The following STON2 variants were observed in gnomAD, a reference collection of about 807,000 sequenced individuals.
STON2 encodes the protein stonin 2, also known as stonin-2.
Under a neutral mutation model 65.7 loss-of-function variants are expected in STON2, and 29 were observed. The ratio of observed to expected loss-of-function variants is 0.44; its 90% CI spans 0.33 to 0.60. The LOEUF is 0.60. Ranked by LOEUF, STON2 falls within the 20% of genes least tolerant of loss-of-function variation. The pLI is 0.03. For missense variants in STON2, 1,054 were observed against 1,118.1 expected (o/e 0.94, Z 0.82); for synonymous variants, 404 against 414.2 (o/e 0.98, Z 0.30).
chr14:81,336,991 T>C (rs1477996018), intron 4 of STON2, among the ~76,000 whole-genome samples: 1 of 152,134 alleles, frequency 6.6e-6, no homozygotes, highest in Non-Finnish European at 1.5e-5. Flanking sequence ...TTTCCCAAGG[T>C]TCTTAGTCTT....
chr14:81,328,964 A>T (rs572455971), intron 4 of STON2, among the ~76,000 whole-genome samples: 1 of 152,166 alleles, frequency 6.6e-6, no homozygotes, highest in Non-Finnish European at 1.5e-5. Flanking sequence ...CATGAGCCAA[A>T]TATCTTTTTC....
intron 1 of STON2, chr14:81,436,083 C>T (rs1479741770): frequency 3.3e-5 from 5 of 152,290 alleles, no homozygotes; most frequent in Non-Finnish European, 4.4e-5. Flanking sequence ...TCCACCCCTA[C>T]CTGCCTTAAG....
At chr14:81,352,695 C>T (rs1219095436) in intron 4 of STON2, among the ~76,000 whole-genome samples, 1 of 152,162 alleles carries the variant, frequency 6.6e-6, no homozygotes, top group Non-Finnish European at 1.5e-5. Flanking sequence ...AGGATCATAA[C>T]ACTAAAAGAA....
In STON2 at chr14:81,266,324, T is replaced by C. The variant is rs939705130; in HGVS notation, c.*2090A>G. The stretch of plus-strand genomic sequence containing the variant: ...TTCTTCCTTATATTGAAGCAAACAT[T>C]TGTCACCTGTAAAGTTCCTCTTTGT... On this transcript the variant is annotated 3_prime_UTR_variant, in exon 8 of 8. Transcript: ENST00000614646. Among the ~76,000 whole-genome samples the C allele has an allele frequency of 1.3e-5, 2 of 152,222 alleles. No individual in the cohort carries two copies. The highest frequency in any genetic ancestry group is 2.9e-5 in the Non-Finnish European group (2 of 68,048).
At position 81,395,940 on chromosome 14, in the gene STON2, T is replaced by C. The variant is rs1392820652; in HGVS notation, c.327A>G (p.Thr109=). The C allele has an allele frequency of 4.3e-6, 7 of 1,614,034 alleles. No individual in the cohort carries two copies. In the South Asian group the frequency reaches 6.6e-5, roughly 15 times the overall value. Residue 109 remains threonine (T), a synonymous_variant, in exon 3 of 8, where the codon ACA becomes ACG. Coordinates refer to ENST00000614646, the MANE Select transcript of STON2 (RefSeq NM_001394390.1). ...GAGGTGGAGATGTGCTGGCCCAGGG[T>C]GTGTCATCTTCAAACTGAACCCAGT... ...ISNWVQFEDD[T]PWASTSPPHQ...
At chr14:81,347,902 C>CAAAAAAAAAAAA (rs755109204) in intron 4 of STON2, among the ~76,000 whole-genome samples, 141 of 51,484 alleles carry the variant, frequency 2.7e-3, no homozygotes, top group Non-Finnish European at 3.5e-3. Context: ...TGTCTCTTAC[C>CAAAAAAAAAAAA]AAAAAAAAAA....
intron 4 of STON2, among the ~76,000 whole-genome samples, chr14:81,348,937 T>G (rs1202911130): frequency 1.3e-5 from 2 of 152,052 alleles, no homozygotes; most frequent in African/African-American, 4.8e-5. Flanking sequence ...AATAAATCCA[T>G]ATATTTACAG....
Position 81,263,660 on chromosome 14 carries a change from G to A in STON2, c.*4754C>T, listed in dbSNP as rs908885611. 8.0e-6 allele frequency: 7 copies of A among 878,290 alleles called. No homozygotes were observed. The highest frequency in any genetic ancestry group is 9.6e-6 in the Non-Finnish European group (7 of 732,612). 54.4% of individuals were successfully genotyped at this position (878,290 alleles called of 1,614,324 possible). ...CCAAGACAATTCTTCTTCCTATGTG[G>A]CCCAGGGAAGCCAAAAGATTGGACC... On this transcript the variant is annotated 3_prime_UTR_variant, in exon 8 of 8. Coordinates refer to ENST00000614646, the MANE Select transcript of STON2 (RefSeq NM_001394390.1).
intron 1 of STON2, among the ~76,000 whole-genome samples, chr14:81,434,223 G>C (rs1276957688): frequency 1.3e-5 from 2 of 152,106 alleles, no homozygotes; most frequent in Non-Finnish European, 2.9e-5. Flanking sequence ...CAGAAGCCTG[G>C]CTCAGAAAAA....
chr14:81,296,482 T>C (rs1895765923), intron 5 of STON2, among the ~76,000 whole-genome samples: 1 of 152,156 alleles, frequency 6.6e-6, no homozygotes, highest in African/African-American at 2.4e-5. Context: ...CTAAAAATAG[T>C]AACCTTTGTA....
At chr14:81,431,413 G>A (rs1025639990) in intron 1 of STON2, among the ~76,000 whole-genome samples, 3 of 152,198 alleles carry the variant, frequency 2.0e-5, no homozygotes, top group Non-Finnish European at 4.4e-5. Flanking sequence ...TGAAGCAGGC[G>A]GATCACTTGC....
In STON2 at chr14:81,413,669, G is replaced by A. The variant is rs958493498; in HGVS notation, c.-199+13433C>T. Among the ~76,000 whole-genome samples, 65 of 138,396 alleles carry A rather than the reference G, an allele frequency of 4.7e-4. 14 individuals carry two copies. Among genetic ancestry groups the A allele is most frequent in the African/African-American group, 1.9e-3 (63 of 33,414 alleles). The allele number at this position is 138,396 out of a possible 152,430, so 90.8% of individuals were successfully genotyped here. ...AAATTAGCCTGGCATGGTGGCGTTT[G>A]TCTGTGATCCCAGCTACTGGGGAGG... On this transcript the variant is annotated intron_variant, in intron 2 of 8. Transcript: ENST00000553821.
At position 81,268,045 on chromosome 14, in the gene STON2, G is replaced by A. The variant is rs1258505061; in HGVS notation, c.*369C>T. On this transcript the variant is annotated 3_prime_UTR_variant, in exon 8 of 8. Coordinates refer to ENST00000614646, the MANE Select transcript of STON2 (RefSeq NM_001394390.1). ...GACAGATGAACATCAGAAGGCAATCGTGCTAACACTGATGTGGGAGGTTCT... is the reference window on the plus strand; with the variant it reads ...GACAGATGAACATCAGAAGGCAATCATGCTAACACTGATGTGGGAGGTTCT... The A allele has an allele frequency of 1.7e-5, 17 of 990,424 alleles. No homozygotes were observed. Among genetic ancestry groups the A allele is most frequent in the African/African-American group, 3.5e-5 (2 of 57,274 alleles). 61.4% of individuals were successfully genotyped at this position (990,424 alleles called of 1,614,324 possible). A position where few individuals can be genotyped will look rare whatever the true frequency, so the allele number is the denominator to read the frequency against.
chr14:81,356,810 T>C (rs1311307516), intron 4 of STON2, among the ~76,000 whole-genome samples: 1 of 152,120 alleles, frequency 6.6e-6, no homozygotes, highest in Non-Finnish European at 1.5e-5. Context: ...GTGTTTGTAG[T>C]ATTCTCTGAT....
chr14:81,265,005 T>C lies in STON2; in HGVS notation c.*3409A>G, dbSNP rs746845718. ...TATCTAATTTATGTTCTAAGAGTAA[T>C]ACTATGTACTGGTAAAATGAATTCA... On this transcript the variant is annotated 3_prime_UTR_variant, in exon 8 of 8. Transcript: ENST00000614646. 2 of 981,090 alleles carry C rather than the reference T, an allele frequency of 2.0e-6. No individual in the cohort carries two copies. Among genetic ancestry groups the C allele is most frequent in the Non-Finnish European group, 2.4e-6 (2 of 826,132 alleles). 60.8% of individuals were successfully genotyped at this position (981,090 alleles called of 1,614,324 possible).
intron 6 of STON2, among the ~76,000 whole-genome samples, chr14:81,271,898 T>C (rs976484766): frequency 2.6e-5 from 4 of 152,292 alleles, no homozygotes; most frequent in African/African-American, 9.6e-5. Context: ...CATTTTATAG[T>C]CGAGGAAGCT....
At chr14:81,416,800 A>G (rs550791799) in intron 2 of STON2, among the ~76,000 whole-genome samples, 15 of 152,296 alleles carry the variant, frequency 9.8e-5, no homozygotes, top group African/African-American at 3.6e-4. Context: ...CAGTTGTGAC[A>G]TAAGGGTCTG....
rs1894303515 is a variant in STON2 at position 81,265,079 on chromosome 14, A to C, written c.*3335T>G. ...ATAACAAAGATTATTTGTGACCACAAAAAAAAAAAATAAAAAGTCCAGGTC... is the reference window on the plus strand; with the variant it reads ...ATAACAAAGATTATTTGTGACCACACAAAAAAAAAATAAAAAGTCCAGGTC... On this transcript the variant is annotated 3_prime_UTR_variant, in exon 8 of 8. Transcript: ENST00000614646. The C allele has an allele frequency of 1.1e-5, 10 of 908,918 alleles. No homozygotes were observed. Among genetic ancestry groups the C allele is most frequent in the East Asian group, 1.2e-4 (1 of 8,474 alleles). The allele number at this position is 908,918 out of a possible 1,614,324, so 56.3% of individuals were successfully genotyped here.
chr14:81,266,654 G>T lies in STON2; in HGVS notation c.*1760C>A, dbSNP rs939737608. 2.0e-6 allele frequency: 2 copies of T among 982,358 alleles called. No individual in the cohort carries two copies. The highest frequency in any genetic ancestry group is 3.5e-5 in the African/African-American group (2 of 57,140). 60.9% of individuals were successfully genotyped at this position (982,358 alleles called of 1,614,324 possible). On this transcript the variant is annotated 3_prime_UTR_variant, in exon 8 of 8. Transcript: ENST00000614646. ...CTAGATGGAGGGTTAATAAAAGCAT[G>T]TAAGGCTTTTATTAACACCAGCTGA...
Sources: gnomAD v4.1 joint callset for allele counts (sites outside exome capture counted in the v4.1 genomes callset) on GRCh38, gnomAD v4.1.1 for gene constraint, MANE v1.5 for transcripts, NCBI Gene and HGNC (gene_info 2026-07-23, HGNC 2026-07-21) for gene names.